The following FBXL7 variants were observed in gnomAD, a reference collection of about 807,000 sequenced individuals.
The protein encoded by FBXL7 is F-box/LRR-repeat protein 7.
FBXL7 carries 12 observed loss-of-function variants against 38.3 expected under a neutral mutation model. That is an observed-to-expected ratio of 0.31 (90% confidence interval 0.20 to 0.51). The LOEUF (loss-of-function observed/expected upper bound fraction) is 0.51, where lower values mean the gene tolerates loss of function less well. Among genes scored for constraint, FBXL7 ranks in the 20% least tolerant of loss-of-function variants. FBXL7 has a pLI of 0.98. For missense variants in FBXL7, 567 were observed against 676.4 expected (o/e 0.84, Z 1.79); for synonymous variants, 297 against 300.9 (o/e 0.99, Z 0.13).
chr5:15,889,745 G>T (rs1740824432), intron 2 of FBXL7, among the ~76,000 whole-genome samples: 1 of 152,284 alleles, frequency 6.6e-6, no homozygotes, highest in African/African-American at 2.4e-5. Context: ...GAGAATAGGT[G>T]CATTTGTAAA....
At chr5:15,578,221 A>T (rs902218986) in intron 1 of FBXL7, among the ~76,000 whole-genome samples, 2 of 152,224 alleles carry the variant, frequency 1.3e-5, no homozygotes, top group African/African-American at 4.8e-5. Context: ...TCTGCCAAAA[A>T]CAATCTTATA....
chr5:15,676,727 C>A (rs1742666695), intron 2 of FBXL7, among the ~76,000 whole-genome samples: 1 of 152,206 alleles, frequency 6.6e-6, no homozygotes, highest in Non-Finnish European at 1.5e-5. Flanking sequence ...CAGGGCACTG[C>A]TGTTCAGAGG....
intron 2 of FBXL7, among the ~76,000 whole-genome samples, chr5:15,883,916 A>G (rs1017988538): frequency 4.6e-5 from 7 of 152,228 alleles, no homozygotes; most frequent in African/African-American, 9.6e-5. Flanking sequence ...GAAAGTTTTA[A>G]TCTTTCCTCC....
At chr5:15,500,831 C>T in intron 1 of FBXL7, 118 bp downstream of exon 1, 4 of 1,237,686 alleles carry the variant, frequency 3.2e-6, no homozygotes, top group Non-Finnish European at 4.6e-6. Context: ...ATTTGGCACC[C>T]TGTCTGGGTC....
At chr5:15,739,873 T>A (rs1193298616) in intron 2 of FBXL7, among the ~76,000 whole-genome samples, 1 of 152,210 alleles carries the variant, frequency 6.6e-6, no homozygotes, top group African/African-American at 2.4e-5. Flanking sequence ...TATGTTTTCA[T>A]TTCTCTTAGG....
Position 15,880,555 on chromosome 5 carries a change from G to C in FBXL7, c.128-47335G>C, listed in dbSNP as rs192899219. On this transcript the variant is annotated intron_variant, in intron 2 of 3. Coordinates refer to ENST00000504595, the MANE Select transcript of FBXL7 (RefSeq NM_012304.5). The stretch of plus-strand genomic sequence containing the variant: ...CTCTTCTTACAGCTGTTTAAGCTTA[G>C]GTTTTGTATATCTTTGTTTCATTTT... Among the ~76,000 whole-genome samples the C allele has an allele frequency of 5.5e-3, 833 of 152,080 alleles. 4 individuals are homozygous for C. Among genetic ancestry groups the C allele is most frequent in the Middle Eastern group, 0.01 (3 of 290 alleles).
At chr5:15,645,430 TC>T (rs1283767325) in intron 2 of FBXL7, among the ~76,000 whole-genome samples, 3 of 152,118 alleles carry the variant, frequency 2.0e-5, no homozygotes, top group Non-Finnish European at 2.9e-5. Flanking sequence ...GGAAGCCTCT[TC>T]CCTGCTTGGA....
At chr5:15,800,258 C>T (rs990567979) in intron 2 of FBXL7, among the ~76,000 whole-genome samples, 7 of 152,106 alleles carry the variant, frequency 4.6e-5, no homozygotes, top group Non-Finnish European at 1.0e-4. Context: ...ACTCATACCT[C>T]ATCTCAATAG....
At chr5:15,865,559 A>T (rs1032310529) in intron 2 of FBXL7, among the ~76,000 whole-genome samples, 1 of 152,134 alleles carries the variant, frequency 6.6e-6, no homozygotes, top group African/African-American at 2.4e-5. Flanking sequence ...AGAATTGATG[A>T]CAAGCCTCTC....
intron 2 of FBXL7, among the ~76,000 whole-genome samples, chr5:15,620,222 C>CT (rs1022006301): frequency 6.8e-5 from 10 of 146,242 alleles, no homozygotes; most frequent in Admixed American, 4.1e-4. Flanking sequence ...ACAAACTATT[C>CT]TTTTTTTCTT....
intron 2 of FBXL7, among the ~76,000 whole-genome samples, chr5:15,684,687 C>T (rs890595715): frequency 4.6e-5 from 7 of 152,210 alleles, no homozygotes; most frequent in African/African-American, 1.7e-4. Flanking sequence ...AAGATATGTA[C>T]AATGCAAAGA....
intron 2 of FBXL7, among the ~76,000 whole-genome samples, chr5:15,644,158 A>G (rs1440359932): frequency 2.6e-5 from 4 of 152,066 alleles, no homozygotes; most frequent in Non-Finnish European, 5.9e-5. Flanking sequence ...ATACAGCAGC[A>G]ATGTTAAAAT....
At position 15,621,734 on chromosome 5, in the gene FBXL7, C is replaced by T. The variant is rs569389720; in HGVS notation, c.127+5662C>T. On this transcript the variant is annotated intron_variant, in intron 2 of 3. Coordinates refer to ENST00000504595, the MANE Select transcript of FBXL7 (RefSeq NM_012304.5). ...TTGGCTGATAAAGAGTCAGCTTTGG[C>T]CAGCTGTTCTTTAAGTAGGACGCAT... is the stretch of plus-strand genomic sequence containing the variant. Among the ~76,000 whole-genome samples, 10 of 152,192 alleles carry T rather than the reference C, an allele frequency of 6.6e-5. No homozygotes were observed. In the East Asian group the frequency reaches 1.2e-3, roughly 18 times the overall value.
chr5:15,818,551 A>G (rs778280142), intron 2 of FBXL7, among the ~76,000 whole-genome samples: 18 of 152,204 alleles, frequency 1.2e-4, no homozygotes, highest in Non-Finnish European at 1.9e-4. Flanking sequence ...TCAAGTAAGT[A>G]TTTTAAAATA....
intron 2 of FBXL7, among the ~76,000 whole-genome samples, chr5:15,819,759 C>A (rs1738121758): frequency 6.6e-6 from 1 of 152,164 alleles, no homozygotes; most frequent in Non-Finnish European, 1.5e-5. Context: ...GAGGACACAC[C>A]TGTGGCCACC....
At chr5:15,849,068 A>G (rs1739015009) in intron 2 of FBXL7, among the ~76,000 whole-genome samples, 2 of 152,246 alleles carry the variant, frequency 1.3e-5, no homozygotes, top group African/African-American at 4.8e-5. Flanking sequence ...CATGAACTCC[A>G]CTGATACATG....
chr5:15,740,340 G>T (rs1490150918), intron 2 of FBXL7, among the ~76,000 whole-genome samples: 2 of 151,962 alleles, frequency 1.3e-5, no homozygotes, highest in Admixed American at 1.3e-4. Context: ...TGGATGGTGG[G>T]GTCTGCCCTT....
rs1742226782 is a variant in FBXL7 at position 15,937,374 on chromosome 5, A to G, written c.*188A>G. Reference sequence around the variant, plus strand: ...AGAGGCCAAAGAAACGAAGCAAGACAAACAGCAAACAGGCATTTTGGTCAG... The same window carrying G: ...AGAGGCCAAAGAAACGAAGCAAGACGAACAGCAAACAGGCATTTTGGTCAG... On this transcript the variant is annotated 3_prime_UTR_variant, in exon 4 of 4. Coordinates refer to ENST00000504595, the MANE Select transcript of FBXL7 (RefSeq NM_012304.5). 2 of 686,758 alleles carry G rather than the reference A, an allele frequency of 2.9e-6. No homozygotes were observed. The highest frequency in any genetic ancestry group is 1.8e-5 in the African/African-American group (1 of 55,712). The allele number at this position is 686,758 out of a possible 1,614,324, so 42.5% of individuals were successfully genotyped here. A position where few individuals can be genotyped will look rare whatever the true frequency, so the allele number is the denominator to read the frequency against.
rs377011475 is a variant in FBXL7 at position 15,651,586 on chromosome 5, T to A, written c.127+35514T>A. Among the ~76,000 whole-genome samples, 7 of 152,276 alleles carry A rather than the reference T, an allele frequency of 4.6e-5. No homozygotes were observed. The South Asian group carries it at 1.5e-3, about 32-fold the overall frequency. On this transcript the variant is annotated intron_variant, in intron 2 of 3. Transcript: ENST00000504595. ...AGGAATATTTTTATTGAGTGGTAGG[T>A]CTCAACAATGGGGTTAAAATATTCA...
Sources: gnomAD v4.1 joint callset for allele counts (sites outside exome capture counted in the v4.1 genomes callset) on GRCh38, gnomAD v4.1.1 for gene constraint, MANE v1.5 for transcripts, NCBI Gene and HGNC (gene_info 2026-07-23, HGNC 2026-07-21) for gene names.